The following CRADD variants were observed in gnomAD, a reference collection of about 807,000 sequenced individuals.
CRADD encodes CARD and death domain containing adaptor protein.
A neutral mutation model predicts 15.5 loss-of-function variants in CRADD; 9 were observed. That is an observed-to-expected ratio of 0.58 (90% confidence interval 0.35 to 1.01). The LOEUF (loss-of-function observed/expected upper bound fraction) is 1.01. CRADD is among the 50% of genes least tolerant of loss of function. CRADD has a pLI of 0.02. For synonymous variants in CRADD, 118 were observed against 107.6 expected (o/e 1.10, Z -0.60); for missense variants, 227 against 250.3 (o/e 0.91, Z 0.63).
chr12:93,733,276 A>G (rs2136915196), intron 2 of CRADD, among the ~76,000 whole-genome samples: 1 of 152,326 alleles, frequency 6.6e-6, no homozygotes, highest in Non-Finnish European at 1.5e-5. Flanking sequence ...GCAGTATAAG[A>G]AAAGTGTTAA....
chr12:93,716,638 T>C (rs1427023806), intron 2 of CRADD, among the ~76,000 whole-genome samples: 1 of 152,228 alleles, frequency 6.6e-6, no homozygotes, highest in Non-Finnish European at 1.5e-5. Context: ...GTGTGTGGCC[T>C]TTGCAGATTG....
intron 2 of CRADD, among the ~76,000 whole-genome samples, chr12:93,888,129 A>G (rs1423309943): frequency 1.3e-5 from 2 of 152,178 alleles, no homozygotes; most frequent in Non-Finnish European, 2.9e-5. Flanking sequence ...CAGACTGTTA[A>G]GGATAGAGAT....
downstream of CRADD, among the ~76,000 whole-genome samples, chr12:93,855,459 T>G (rs1306877008): frequency 2.0e-5 from 3 of 152,356 alleles, no homozygotes; most frequent in Non-Finnish European, 2.9e-5. Flanking sequence ...CTCCAGGAAC[T>G]CACTGTTTGA....
chr12:93,794,535 C>G (rs61929031), intron 2 of CRADD, among the ~76,000 whole-genome samples: 13,791 of 152,132 alleles, frequency 0.091, 978 homozygotes, highest in African/African-American at 0.2. Flanking sequence ...ATTGTCATAT[C>G]TCCAAATTTA....
At position 93,871,779 on chromosome 12, in the gene CRADD, A is replaced by G. The variant is rs564637909; in HGVS notation, c.299-22271A>G. Among the ~76,000 whole-genome samples, 3 of 152,336 alleles carry G rather than the reference A, an allele frequency of 2.0e-5. No individual in the cohort carries two copies. In the East Asian group the frequency reaches 5.8e-4, roughly 29 times the overall value. ...ATTGCTGAATAGTACTCCATTATGT[A>G]TATGTACCACATTTTCTTTATCCAT... On this transcript the variant is annotated intron_variant, in intron 2 of 2. Transcript: ENST00000548483.
intron 2 of CRADD, among the ~76,000 whole-genome samples, chr12:93,787,998 T>C (rs1957299080): frequency 6.6e-6 from 1 of 152,136 alleles, no homozygotes; most frequent in South Asian, 2.1e-4. Context: ...TATTTGGAGG[T>C]TGTGAAGTGG....
intron 2 of CRADD, among the ~76,000 whole-genome samples, chr12:93,742,089 A>C (rs1417403422): frequency 6.6e-6 from 1 of 152,206 alleles, no homozygotes; most frequent in African/African-American, 2.4e-5. Flanking sequence ...TCGAAAAGAA[A>C]AATCCTTTAA....
At chr12:93,881,962 A>G (rs1160986744) in intron 2 of CRADD, among the ~76,000 whole-genome samples, 1 of 151,730 alleles carries the variant, frequency 6.6e-6, no homozygotes, top group Non-Finnish European at 1.5e-5. Flanking sequence ...CCCCATCTCT[A>G]CTAAAAATAC....
At chr12:93,845,553 G>A (rs1487573282) in intron 2 of CRADD, among the ~76,000 whole-genome samples, 11 of 140,130 alleles carry the variant, frequency 7.8e-5, no homozygotes, top group African/African-American at 2.2e-4. Context: ...GCAAGACCCT[G>A]TCTCTATTAA....
intron 2 of CRADD, among the ~76,000 whole-genome samples, chr12:93,796,859 T>C (rs1174321477): frequency 2.0e-5 from 3 of 152,170 alleles, no homozygotes; most frequent in African/African-American, 7.2e-5. Flanking sequence ...TGCAAACCTC[T>C]CTTCTGCCCT....
At chr12:93,872,520 G>C (rs930129306) in intron 2 of CRADD, among the ~76,000 whole-genome samples, 19 of 152,042 alleles carry the variant, frequency 1.2e-4, no homozygotes, top group African/African-American at 4.6e-4. Flanking sequence ...TTTTCTTGTA[G>C]TAGAAAACAT....
In CRADD at chr12:93,810,491, C is replaced by T. The variant is rs577311953; in HGVS notation, c.299-39479C>T. On this transcript the variant is annotated intron_variant, in intron 2 of 2. Coordinates refer to ENST00000332896, the MANE Select transcript of CRADD (RefSeq NM_003805.5). ...GCTTGAACCCTGGAGGCAGAGGTTC[C>T]GGTGAGCCAAGATTGTACCATTGCA... is the stretch of plus-strand genomic sequence containing the variant. 6.2e-3 allele frequency among the ~76,000 whole-genome samples: 795 copies of T among 128,818 alleles called. 4 individuals carry two copies. Among genetic ancestry groups the T allele is most frequent in the Non-Finnish European group, 8.8e-3 (562 of 64,208 alleles). The allele number at this position is 128,818 out of a possible 152,430, so 84.5% of individuals were successfully genotyped here. A position where few individuals can be genotyped will look rare whatever the true frequency, so the allele number is the denominator to read the frequency against.
chr12:93,712,312 T>A (rs1956088762), intron 2 of CRADD, among the ~76,000 whole-genome samples: 1 of 152,214 alleles, frequency 6.6e-6, no homozygotes, highest in Admixed American at 6.5e-5. Flanking sequence ...TCCTGCTTAG[T>A]TATATGCTAG....
intron 2 of CRADD, among the ~76,000 whole-genome samples, chr12:93,742,903 C>T (rs1382980147): frequency 1.3e-5 from 2 of 152,144 alleles, no homozygotes; most frequent in East Asian, 3.9e-4. Flanking sequence ...GGGGGTCAGG[C>T]TGCCCTCCCA....
intron 2 of CRADD, among the ~76,000 whole-genome samples, chr12:93,802,550 A>G (rs1221406412): frequency 6.6e-6 from 1 of 152,132 alleles, no homozygotes; most frequent in Non-Finnish European, 1.5e-5. Flanking sequence ...GGTCATGGCT[A>G]CTTCCTTTTT....
intron 2 of CRADD, among the ~76,000 whole-genome samples, chr12:93,866,576 T>C (rs989181409): frequency 2.0e-5 from 3 of 152,216 alleles, no homozygotes; most frequent in Admixed American, 2.0e-4. Context: ...CTGCCTTTCA[T>C]GTTAGAGGCT....
At chr12:93,682,245 A>G (rs914882272) in intron 2 of CRADD, among the ~76,000 whole-genome samples, 35 of 152,258 alleles carry the variant, frequency 2.3e-4, no homozygotes, top group Admixed American at 7.2e-4. Flanking sequence ...AAGATTTAAA[A>G]TAGTCCACTT....
chr12:93,750,937 A>T (rs1229299558), intron 2 of CRADD, among the ~76,000 whole-genome samples: 1 of 152,082 alleles, frequency 6.6e-6, no homozygotes, highest in Non-Finnish European at 1.5e-5. Flanking sequence ...TCTCAGAGGG[A>T]CTCTGTCTTT....
intron 2 of CRADD, among the ~76,000 whole-genome samples, chr12:93,739,953 T>C (rs147743530): frequency 4.0e-4 from 61 of 152,308 alleles, no homozygotes; most frequent in African/African-American, 1.4e-3. Flanking sequence ...TTAAAACTTT[T>C]GAATCATTTA....
Sources: gnomAD v4.1 joint callset for allele counts (sites outside exome capture counted in the v4.1 genomes callset) on GRCh38, gnomAD v4.1.1 for gene constraint, MANE v1.5 for transcripts, NCBI Gene and HGNC (gene_info 2026-07-23, HGNC 2026-07-21) for gene names.